Variants in GABRB1 observed in about 807,000 individuals in gnomAD.
GABRB1 encodes gamma-aminobutyric acid type A receptor subunit beta1.
GABRB1 carries 17 observed loss-of-function variants against 51.6 expected under a neutral mutation model. The observed-to-expected ratio is 0.33, with a 90% CI of 0.23 to 0.49. GABRB1 has a LOEUF of 0.49. GABRB1 is among the 20% of genes least tolerant of loss of function. The pLI, the probability that GABRB1 is intolerant of heterozygous loss-of-function variation, is 0.99. For missense variants in GABRB1, 410 were observed against 600.6 expected (o/e 0.68, Z 3.32); for synonymous variants, 247 against 218.9 (o/e 1.13, Z -1.14).
intron 3 of GABRB1, among the ~76,000 whole-genome samples, chr4:47,036,424 C>G (rs1725570099): frequency 6.6e-6 from 1 of 152,126 alleles, no homozygotes; most frequent in Non-Finnish European, 1.5e-5. Context: ...GTGAATCACT[C>G]TGGGATCTTA....
intron 5 of GABRB1, among the ~76,000 whole-genome samples, chr4:47,373,605 G>C (rs1042829021): frequency 2.0e-5 from 3 of 152,088 alleles, no homozygotes; most frequent in Admixed American, 1.3e-4. Flanking sequence ...CCTTGATTAG[G>C]GTTCCATTTG....
chr4:47,399,187 T>C (rs1322733199), intron 5 of GABRB1, among the ~76,000 whole-genome samples: 1 of 152,222 alleles, frequency 6.6e-6, no homozygotes, highest in Admixed American at 6.5e-5. Context: ...TAAATAATCA[T>C]ATGGGTTTTA....
At chr4:47,099,139 T>G (rs1243213823) in intron 3 of GABRB1, among the ~76,000 whole-genome samples, 1 of 152,026 alleles carries the variant, frequency 6.6e-6, no homozygotes, top group Admixed American at 6.6e-5. Flanking sequence ...GGTTTGAAAA[T>G]TCTATCAAAG....
intron 3 of GABRB1, among the ~76,000 whole-genome samples, chr4:47,101,666 T>G (rs988966613): frequency 7.9e-5 from 12 of 152,042 alleles, no homozygotes; most frequent in Non-Finnish European, 1.8e-4. Flanking sequence ...CTAACTATTG[T>G]TTATGTTCTG....
At chr4:47,273,154 G>A (rs1263658129) in intron 4 of GABRB1, among the ~76,000 whole-genome samples, 5 of 152,144 alleles carry the variant, frequency 3.3e-5, no homozygotes, top group Admixed American at 3.3e-4. Context: ...TTTAATATAT[G>A]CCTCTATAAT....
intron 4 of GABRB1, among the ~76,000 whole-genome samples, chr4:47,250,320 G>C (rs1248280159): frequency 1.3e-5 from 2 of 152,192 alleles, no homozygotes; most frequent in African/African-American, 4.8e-5. Context: ...TGAGAAATCT[G>C]CTGTTAATCT....
At chr4:47,245,229 G>GT (rs554154825) in intron 4 of GABRB1, among the ~76,000 whole-genome samples, 2 of 152,110 alleles carry the variant, frequency 1.3e-5, no homozygotes, top group Middle Eastern at 3.4e-3. Context: ...TTCACTTAAG[G>GT]TTTTTTTCCT....
intron 3 of GABRB1, among the ~76,000 whole-genome samples, chr4:47,112,223 C>T (rs897949387): frequency 6.6e-6 from 1 of 152,030 alleles, no homozygotes; most frequent in Non-Finnish European, 1.5e-5. Flanking sequence ...AAAATCACAG[C>T]AAGATTGTCC....
intron 3 of GABRB1, among the ~76,000 whole-genome samples, chr4:47,140,108 A>G (rs1716864395): frequency 6.8e-6 from 1 of 147,198 alleles, no homozygotes; most frequent in Non-Finnish European, 1.5e-5. Context: ...ACACACACAC[A>G]CACACACACA....
At chr4:47,410,022 A>G (rs1394580187) in intron 8 of GABRB1, among the ~76,000 whole-genome samples, 4 of 152,220 alleles carry the variant, frequency 2.6e-5, no homozygotes, top group African/African-American at 9.6e-5. Context: ...TTTGAGTAAC[A>G]TTGGGCTTAA....
intron 5 of GABRB1, among the ~76,000 whole-genome samples, chr4:47,362,036 C>A (rs1418018884): frequency 1.3e-5 from 2 of 152,040 alleles, no homozygotes; most frequent in African/African-American, 2.4e-5. Flanking sequence ...AGACCTAGAA[C>A]CCAACCTTGA....
chr4:47,238,036 A>G (rs903479534), intron 4 of GABRB1, among the ~76,000 whole-genome samples: 1 of 152,046 alleles, frequency 6.6e-6, no homozygotes, highest in Non-Finnish European at 1.5e-5. Context: ...AAAACATGTA[A>G]TTTATGTTTT....
chr4:47,358,065 A>G (rs982894406), intron 5 of GABRB1, among the ~76,000 whole-genome samples: 1 of 152,156 alleles, frequency 6.6e-6, no homozygotes, highest in Admixed American at 6.6e-5. Context: ...TATGGACACT[A>G]AAGTACAGAC....
chr4:47,386,932 A>T (rs1323766086), intron 5 of GABRB1, among the ~76,000 whole-genome samples: 1 of 152,232 alleles, frequency 6.6e-6, no homozygotes, highest in Non-Finnish European at 1.5e-5. Context: ...ACATAGAGAT[A>T]TAGACGAAAG....
chr4:47,081,623 T>C (rs1341755268), intron 3 of GABRB1, among the ~76,000 whole-genome samples: 2 of 152,138 alleles, frequency 1.3e-5, no homozygotes, highest in Admixed American at 1.3e-4. Flanking sequence ...TCCCTCATAT[T>C]CAATGGTTGG....
At chr4:47,222,644 T>C (rs1439534448) in intron 4 of GABRB1, among the ~76,000 whole-genome samples, 1 of 152,084 alleles carries the variant, frequency 6.6e-6, no homozygotes, top group African/African-American at 2.4e-5. Context: ...GTTGACTGCA[T>C]CCACATAAGT....
chr4:47,123,828 T>TTA (rs1177189847), intron 3 of GABRB1, among the ~76,000 whole-genome samples: 1 of 85,426 alleles, frequency 1.2e-5, no homozygotes, highest in African/African-American at 4.7e-5. Flanking sequence ...TTATATTATA[T>TTA]TATATATTAT....
intron 4 of GABRB1, among the ~76,000 whole-genome samples, chr4:47,290,159 C>A (rs879659920): frequency 7.2e-5 from 11 of 152,104 alleles, no homozygotes; most frequent in Non-Finnish European, 1.3e-4. Flanking sequence ...TGTCTCCACC[C>A]AGATCTCAAC....
chr4:47,115,514 C>T, intron 3 of GABRB1, among the ~76,000 whole-genome samples: 1 of 151,500 alleles, frequency 6.6e-6, no homozygotes, highest in East Asian at 1.9e-4. Flanking sequence ...AATATAAAAT[C>T]ATAAAAATTA....
Sources: allele counts gnomAD v4.1 joint callset (sites outside exome capture counted in the v4.1 genomes callset), GRCh38; gene constraint gnomAD v4.1.1; transcripts MANE v1.5; gene names NCBI Gene and HGNC (gene_info 2026-07-23, HGNC 2026-07-21).